Variants in ACAT1 observed in about 807,000 individuals in gnomAD.
The protein encoded by ACAT1 is acetyl-CoA acetyltransferase, mitochondrial.
A neutral mutation model predicts 47.3 loss-of-function variants in ACAT1; 28 were observed. The ratio of observed to expected loss-of-function variants is 0.59; its 90% CI spans 0.44 to 0.81. ACAT1 has a LOEUF of 0.81. ACAT1 is among the 30% of genes least tolerant of loss of function. ACAT1 has a pLI of 0.00. For missense variants in ACAT1, 469 were observed against 524.3 expected (o/e 0.89, Z 1.03); for synonymous variants, 181 against 173.6 (o/e 1.04, Z -0.34).
chr11:108,139,319 G>A (rs532458918), intron 6 of ACAT1, among the ~76,000 whole-genome samples: 78 of 152,182 alleles, frequency 5.1e-4, no homozygotes, highest in African/African-American at 1.7e-3. Context: ...GGCTGGGTGC[G>A]GTGGCTCTGG....
intron 5 of ACAT1, 74 bp from the exon 6 acceptor site, chr11:108,138,824 T>C (rs1006759843): frequency 7.2e-6 from 11 of 1,518,856 alleles, no homozygotes; most frequent in Non-Finnish European, 1.0e-5. Flanking sequence ...TGTTTGGTGG[T>C]AGCTGTATAA....
At chr11:108,139,074 T>G (rs1257289408) in intron 6 of ACAT1, 33 bp downstream of exon 6, 1 of 1,611,244 alleles carries the variant, frequency 6.2e-7, no homozygotes, top group Non-Finnish European at 8.5e-7. Context: ...AAATGCTATC[T>G]AATGTCCAAT....
At chr11:108,140,947 T>A (rs1175928834) in intron 7 of ACAT1, among the ~76,000 whole-genome samples, 1 of 152,086 alleles carries the variant, frequency 6.6e-6, no homozygotes, top group Non-Finnish European at 1.5e-5. Context: ...ATTTTGTGGC[T>A]GGGTGCAGTG....
intron 5 of ACAT1, among the ~76,000 whole-genome samples, chr11:108,138,341 T>G (rs2077508306): frequency 3.3e-5 from 5 of 150,956 alleles, no homozygotes. Context: ...AGAGCCTTGC[T>G]GTCACCCAGG....
intron 11 of ACAT1, 134 bp downstream of exon 11, chr11:108,146,493 C>CTGAT (rs2077712608): frequency 1.1e-6 from 1 of 899,132 alleles, no homozygotes; most frequent in Non-Finnish European, 1.8e-6. Flanking sequence ...AAAACCATTT[C>CTGAT]TGATAGATGG....
At chr11:108,124,241 C>T (rs924710611) in intron 1 of ACAT1, among the ~76,000 whole-genome samples, 1 of 152,082 alleles carries the variant, frequency 6.6e-6, no homozygotes, top group Non-Finnish European at 1.5e-5. Flanking sequence ...TATGCTACTT[C>T]CTTCCTGTTG....
chr11:108,141,330 T>C (rs933055232), intron 7 of ACAT1, among the ~76,000 whole-genome samples: 6 of 125,494 alleles, frequency 4.8e-5, no homozygotes, highest in African/African-American at 1.9e-4. Flanking sequence ...AGGTAAACTG[T>C]GATCATGCCA....
At chr11:108,135,029 A>G in intron 4 of ACAT1, 113 bp from the exon 5 acceptor site, 1 of 712,412 alleles carries the variant, frequency 1.4e-6, no homozygotes, top group Non-Finnish European at 2.5e-6. Context: ...GCATGATATA[A>G]TTTGTAGTTA....
chr11:108,132,853 CAAAAAAAAAA>C (rs57501370), intron 2 of ACAT1, among the ~76,000 whole-genome samples: 19 of 47,900 alleles, frequency 4.0e-4, no homozygotes, highest in Admixed American at 2.0e-3. Context: ...AACTCCATCT[CAAAAAAAAAA>C]AAAAAAAAAA....
At position 108,140,123 on chromosome 11, in the gene ACAT1, C is replaced by T. The variant is rs776040489; in HGVS notation, c.638C>T (p.Ala213Val). 6.2e-7 allele frequency: 1 copy of T among 1,614,140 alleles called. No homozygotes were observed. The highest frequency in any genetic ancestry group is 8.5e-7 in the Non-Finnish European group (1 of 1,180,016). ...KLNIARNEQDAYAINSYTRSK... is the reference protein window; with the variant it reads ...KLNIARNEQDVYAINSYTRSK... ...AATATTGCACGAAATGAACAGGACG[C>T]TTATGCTATTAATTCTTATACCAGA... The change falls in exon 7 of 12, where the codon GCT becomes GTT. Residue 213 changes from alanine to valine, a missense_variant. Ala to Val is a moderately conservative substitution (Grantham distance 64). Coordinates refer to ENST00000265838, the MANE Select transcript of ACAT1 (RefSeq NM_000019.4).
intron 4 of ACAT1, chr11:108,134,592 TG>T: frequency 4.8e-6 from 1 of 206,518 alleles, no homozygotes; most frequent in South Asian, 6.7e-5. Context: ...GAGCCAAGAT[TG>T]CACCATTGCA....
chr11:108,147,005 A>G (rs1433788312), intron 11 of ACAT1, among the ~76,000 whole-genome samples: 4 of 152,166 alleles, frequency 2.6e-5, no homozygotes, highest in Admixed American at 6.5e-5. Flanking sequence ...GCTTGAACCC[A>G]GGAGGTGGAT....
At chr11:108,116,746 A>G (rs913327675), upstream of ACAT1, among the ~76,000 whole-genome samples, 4 of 152,128 alleles carry the variant, frequency 2.6e-5, no homozygotes, top group Non-Finnish European at 5.9e-5. Context: ...GGGAGAAGAC[A>G]GGGGTTGGAC....
intron 8 of ACAT1, 107 bp from the exon 9 acceptor site, chr11:108,142,330 A>T: frequency 1.2e-6 from 1 of 840,400 alleles, no homozygotes; most frequent in Non-Finnish European, 2.0e-6. Flanking sequence ...CCATATTTGT[A>T]ATTTCTTTAA....
upstream of ACAT1, among the ~76,000 whole-genome samples, chr11:108,121,122 G>T (rs1019827713): frequency 6.6e-6 from 1 of 151,656 alleles, no homozygotes; most frequent in Admixed American, 6.6e-5. Flanking sequence ...GATCGCTTGA[G>T]CCCTGATGGT....
chr11:108,130,738 G>A (rs555390750), intron 1 of ACAT1, among the ~76,000 whole-genome samples: 104 of 150,798 alleles, frequency 6.9e-4, no homozygotes, highest in Non-Finnish European at 1.2e-3. Flanking sequence ...TGTGTCCTGC[G>A]TTGTCAGAAT....
rs1234025676 is a variant in ACAT1, at chr11:108,147,271, A to G, written c.1165A>G (p.Met389Val). Residue 389 changes from methionine to valine, a missense_variant and splice_region_variant, in exon 12 of 12, where the codon ATG becomes GTG. Coordinates refer to ENST00000265838, the MANE Select transcript of ACAT1 (RefSeq NM_000019.4). ...GAVSLGHPIG[M>V]SGARIVGHLT... ...AAGTAAATGCTTTCTTAATTTTAGG[A>G]TGTCTGGAGCCAGGATTGTTGGTCA... is the stretch of plus-strand genomic sequence containing the variant. 6.2e-7 allele frequency: 1 copy of G among 1,613,752 alleles called. No individual in the cohort carries two copies. Among genetic ancestry groups the G allele is most frequent in the African/African-American group, 1.3e-5 (1 of 74,916 alleles).
chr11:108,139,436 C>CA (rs1471490773), intron 6 of ACAT1, among the ~76,000 whole-genome samples: 1 of 151,592 alleles, frequency 6.6e-6, no homozygotes, highest in South Asian at 2.1e-4. Context: ...ATTAAAAATA[C>CA]AAAAAAATTA....
intron 3 of ACAT1, 33 bp downstream of exon 3, chr11:108,133,970 A>G (rs2077412056): frequency 6.4e-7 from 1 of 1,554,634 alleles, no homozygotes; most frequent in Admixed American, 1.7e-5. Flanking sequence ...GTGTTAAGGG[A>G]GCAAAAAGAT....
Sources: gnomAD v4.1 joint callset for allele counts (sites outside exome capture counted in the v4.1 genomes callset) on GRCh38, gnomAD v4.1.1 for gene constraint, MANE v1.5 for transcripts, NCBI Gene and HGNC (gene_info 2026-07-23, HGNC 2026-07-21) for gene names.